The following ERG variants were observed in gnomAD, a reference collection of about 807,000 sequenced individuals.
ERG encodes transcriptional regulator ERG.
A neutral mutation model predicts 55.3 loss-of-function variants in ERG; 9 were observed. The observed-to-expected ratio is 0.16, with a 90% CI of 0.10 to 0.28. ERG has a LOEUF of 0.28. Among genes scored for constraint, ERG ranks in the 10% least tolerant of loss-of-function variants. The pLI is 1.00. For missense variants in ERG, 434 were observed against 631.6 expected, an observed-to-expected ratio of 0.69 and a Z score of 3.35; for synonymous variants, 223 against 237.3, an observed-to-expected ratio of 0.94 and a Z score of 0.55.
chr21:38,660,039 A>C (rs2060542424), intron 1 of ERG, among the ~76,000 whole-genome samples: 1 of 125,794 alleles, frequency 7.9e-6, no homozygotes, highest in African/African-American at 2.6e-5. Flanking sequence ...TGGGAAAGGA[A>C]AGGGACCGCT....
the ERG span, among the ~76,000 whole-genome samples, chr21:38,367,483 T>A: frequency 6.6e-6 from 1 of 152,124 alleles, no homozygotes; most frequent in Non-Finnish European, 1.5e-5. Flanking sequence ...CCTCATCCCA[T>A]ACACTTCTCT....
chr21:38,371,324 A>G, the ERG span, among the ~76,000 whole-genome samples: 1 of 152,066 alleles, frequency 6.6e-6, no homozygotes, highest in Non-Finnish European at 1.5e-5. Context: ...ATGCACAGCC[A>G]TATTTTCTAT....
chr21:38,465,843 C>T (rs977277590), intron 1 of ERG, among the ~76,000 whole-genome samples: 1 of 152,162 alleles, frequency 6.6e-6, no homozygotes, highest in Non-Finnish European at 1.5e-5. Context: ...CTGTGAATAT[C>T]TCATCCTCCT....
intron 2 of ERG, among the ~76,000 whole-genome samples, chr21:38,430,971 A>AC (rs397706127): frequency 1.9e-4 from 29 of 152,104 alleles, no homozygotes; most frequent in Admixed American, 5.2e-4. Context: ...AATAAAAAAA[A>AC]CCAGAATGCT....
chr21:38,537,370 G>A (rs1337346462), intron 2 of ERG, among the ~76,000 whole-genome samples: 1 of 151,300 alleles, frequency 6.6e-6, no homozygotes, highest in East Asian at 1.9e-4. Context: ...AAAGTCAAAA[G>A]ACATCCTATA....
At chr21:38,461,988 T>G (rs537378279) in intron 1 of ERG, among the ~76,000 whole-genome samples, 2 of 151,656 alleles carry the variant, frequency 1.3e-5, no homozygotes, top group South Asian at 4.2e-4. Context: ...TTTCTTTTTC[T>G]TTTTCTTTTT....
At chr21:38,573,763 G>C (rs759127059) in intron 2 of ERG, among the ~76,000 whole-genome samples, 61 of 152,186 alleles carry the variant, frequency 4.0e-4, no homozygotes, top group Non-Finnish European at 7.5e-4. Context: ...CTGAGCGCCG[G>C]TCCCCTGAGC....
chr21:38,546,872 A>C (rs1168498192), intron 2 of ERG, among the ~76,000 whole-genome samples: 1 of 152,332 alleles, frequency 6.6e-6, no homozygotes, highest in East Asian at 1.9e-4. Flanking sequence ...GACCTCCCTC[A>C]GCTGAATATT....
chr21:38,513,570 A>G (rs894611028), intron 2 of ERG, among the ~76,000 whole-genome samples: 1 of 152,206 alleles, frequency 6.6e-6, no homozygotes, highest in Non-Finnish European at 1.5e-5. Flanking sequence ...ATTAGAGCAC[A>G]TTTTATGGCA....
intron 1 of ERG, among the ~76,000 whole-genome samples, chr21:38,476,505 G>A (rs1231930344): frequency 6.6e-6 from 1 of 152,156 alleles, no homozygotes; most frequent in South Asian, 2.1e-4. Flanking sequence ...TCCTCTTAAC[G>A]GCTGATGACG....
Position 38,434,069 on chromosome 21 carries a change from C to T in ERG, c.237-10508G>A, listed in dbSNP as rs578195687. 2.0e-5 allele frequency among the ~76,000 whole-genome samples: 3 copies of T among 152,296 alleles called. No individual in the cohort carries two copies. The South Asian group carries it at 6.2e-4, about 32-fold the overall frequency. Reference sequence around the variant, plus strand: ...GAAATGCAAGCTGCCCATGTCCAACCTAACCCCCATCATGGCCCAGAGCCC... The same window carrying T: ...GAAATGCAAGCTGCCCATGTCCAACTTAACCCCCATCATGGCCCAGAGCCC... On this transcript the variant is annotated intron_variant, in intron 2 of 9. Transcript: ENST00000288319.
intron 1 of ERG, among the ~76,000 whole-genome samples, chr21:38,636,741 C>T (rs1224523623): frequency 6.6e-6 from 1 of 152,172 alleles, no homozygotes; most frequent in African/African-American, 2.4e-5. Context: ...AGCTCCGTTC[C>T]CAACCCTGCG....
At chr21:38,446,297 A>AT (rs1461429493) in intron 1 of ERG, among the ~76,000 whole-genome samples, 1 of 150,956 alleles carries the variant, frequency 6.6e-6, no homozygotes, top group Non-Finnish European at 1.5e-5. Context: ...GATGTTTAAA[A>AT]TATCTGGATC....
chr21:38,618,551 G>T (rs1019552284), intron 1 of ERG, among the ~76,000 whole-genome samples: 1 of 152,180 alleles, frequency 6.6e-6, no homozygotes, highest in Non-Finnish European at 1.5e-5. Flanking sequence ...TTGGCGGGGA[G>T]GTTGGGGGGG....
intron 1 of ERG, among the ~76,000 whole-genome samples, chr21:38,652,117 G>A (rs1265430111): frequency 6.6e-6 from 1 of 152,092 alleles, no homozygotes. Context: ...TGTCTGGTCT[G>A]ATCCCTCCAA....
intron 1 of ERG, among the ~76,000 whole-genome samples, chr21:38,631,412 C>T (rs142229578): frequency 1.4e-4 from 22 of 152,220 alleles, no homozygotes; most frequent in African/African-American, 4.8e-4. Context: ...CCACACGTCT[C>T]GTCTCTTTAA....
intron 2 of ERG, among the ~76,000 whole-genome samples, chr21:38,508,082 T>TGC: frequency 5.1e-4 from 3 of 5,892 alleles, no homozygotes; most frequent in Admixed American, 1.2e-3. Flanking sequence ...CACACACATA[T>TGC]ATACACACAG....
At chr21:38,611,142 C>T (rs1457051482) in intron 1 of ERG, among the ~76,000 whole-genome samples, 1 of 152,176 alleles carries the variant, frequency 6.6e-6, no homozygotes, top group Admixed American at 6.5e-5. Context: ...TGCAGAATAA[C>T]ACGCATGCCC....
chr21:38,543,823 A>C (rs1601218254), intron 2 of ERG, among the ~76,000 whole-genome samples: 1 of 143,016 alleles, frequency 7.0e-6, no homozygotes, highest in Non-Finnish European at 1.5e-5. Flanking sequence ...TGCAACCTCC[A>C]CCTCCTGGTT....
Sources: allele counts gnomAD v4.1 joint callset (sites outside exome capture counted in the v4.1 genomes callset), GRCh38; gene constraint gnomAD v4.1.1; transcripts MANE v1.5; gene names NCBI Gene and HGNC (gene_info 2026-07-23, HGNC 2026-07-21).